TBL1X: variants seen among roughly 807,000 people sequenced by gnomAD.
TBL1X encodes transducin beta like 1 X-linked.
TBL1X carries 10 observed loss-of-function variants against 50.7 expected under a neutral mutation model. The observed-to-expected ratio is 0.20, with a 90% CI of 0.12 to 0.33. The LOEUF (loss-of-function observed/expected upper bound fraction) is 0.33, where lower values mean the gene tolerates loss of function less well. Ranked by LOEUF, TBL1X falls within the 10% of genes least tolerant of loss-of-function variation. TBL1X has a pLI of 1.00. For missense variants in TBL1X, 340 were observed against 504.4 expected (o/e 0.67, Z 3.12); for synonymous variants, 190 against 214.7 (o/e 0.88, Z 1.01).
At position 9,717,056 on chromosome X, in the gene TBL1X, C is replaced by T. The variant is rs1421637334; in HGVS notation, c.*810C>T. ...TCTCCTCCCCTTGCGCTCGCGCTCG[C>T]GCTCGCTTTCTCACTGGCGTGCTCT... On this transcript the variant is annotated 3_prime_UTR_variant, in exon 18 of 18. Coordinates refer to ENST00000645353, the MANE Select transcript of TBL1X (RefSeq NM_005647.4). 2 of 109,560 alleles carry T rather than the reference C, an allele frequency of 1.8e-5. No individual in the cohort carries two copies. The highest frequency in any genetic ancestry group is 8.0e-4 in the South Asian group (2 of 2,498). 9.0% of individuals were successfully genotyped at this position (109,560 alleles called of 1,213,427 possible). A position where few individuals can be genotyped will look rare whatever the true frequency, so the allele number is the denominator to read the frequency against.
chrX:9,647,366 A>G (rs1343622153), intron 3 of TBL1X, among the ~76,000 whole-genome samples: 1 of 112,361 alleles, frequency 8.9e-6, no homozygotes, highest in Non-Finnish European at 1.9e-5. Flanking sequence ...GCACAGTGAG[A>G]GAATGTTGTG....
At chrX:9,619,216 G>A (rs184029672) in intron 2 of TBL1X, among the ~76,000 whole-genome samples, 2 of 112,551 alleles carry the variant, frequency 1.8e-5, no homozygotes, top group African/African-American at 6.5e-5. Context: ...CCCCCCGCAA[G>A]TCTGGCCTGA....
chrX:9,475,150 C>T (rs756796087), intron 1 of TBL1X, among the ~76,000 whole-genome samples: 8 of 111,038 alleles, frequency 7.2e-5, no homozygotes, highest in Non-Finnish European at 1.1e-4. Flanking sequence ...GTGGGATTAC[C>T]GGCGTGAGCC....
chrX:9,629,755 A>T (rs2082710982), intron 2 of TBL1X, among the ~76,000 whole-genome samples: 1 of 111,631 alleles, frequency 9.0e-6, no homozygotes. Context: ...CGTGTAGGAT[A>T]TTGGACCAGA....
chrX:9,625,355 G>A lies in TBL1X; in HGVS notation c.-130-14918G>A, dbSNP rs149791261. Among the ~76,000 whole-genome samples the A allele has an allele frequency of 5.6e-4, 63 of 111,961 alleles. No individual in the cohort carries two copies. In the East Asian group the frequency reaches 0.017, roughly 29 times the overall value. ...TGTGGCTTTACCTATATTTTAATAT[G>A]TGAATTCATACAGTGTAACTATAAA... On this transcript the variant is annotated intron_variant, in intron 2 of 17. Transcript: ENST00000645353.
At chrX:9,554,488 TAGAA>T (rs768623805) in intron 2 of TBL1X, among the ~76,000 whole-genome samples, 8 of 112,421 alleles carry the variant, frequency 7.1e-5, no homozygotes, top group South Asian at 3.6e-4. Flanking sequence ...TAATTTGAAT[TAGAA>T]AGCCATTTGT....
chrX:9,546,183 A>G (rs1417674660), intron 2 of TBL1X, among the ~76,000 whole-genome samples: 1 of 111,892 alleles, frequency 8.9e-6, no homozygotes, highest in Non-Finnish European at 1.9e-5. Flanking sequence ...TGGTGGTTTT[A>G]GCATCCACTG....
intron 2 of TBL1X, among the ~76,000 whole-genome samples, chrX:9,538,315 AGC>A (rs745708449): frequency 2.7e-5 from 3 of 111,784 alleles, no homozygotes; most frequent in African/African-American, 6.5e-5. Context: ...ATAGCAGAAA[AGC>A]GGTTCAGATT....
chrX:9,526,220 C>CAGTG (rs2082132154), intron 2 of TBL1X, among the ~76,000 whole-genome samples: 1 of 111,350 alleles, frequency 9.0e-6, no homozygotes, highest in Non-Finnish European at 1.9e-5. Flanking sequence ...CTGGTTGACT[C>CAGTG]AGTGAAGTCT....
chrX:9,694,501 C>T (rs966045700), intron 11 of TBL1X, among the ~76,000 whole-genome samples: 41 of 110,867 alleles, frequency 3.7e-4, no homozygotes, highest in Non-Finnish European at 7.4e-4. Flanking sequence ...GACTGAGGCG[C>T]GAGAATCTCT....
At chrX:9,604,401 T>TG (rs560245533) in intron 2 of TBL1X, among the ~76,000 whole-genome samples, 1 of 108,658 alleles carries the variant, frequency 9.2e-6, no homozygotes, top group African/African-American at 3.4e-5. Context: ...TATTTCACTT[T>TG]CCCCCCCTTT....
At chrX:9,666,333 G>A (rs971411619) in intron 5 of TBL1X, among the ~76,000 whole-genome samples, 69 of 110,737 alleles carry the variant, frequency 6.2e-4, no homozygotes, top group African/African-American at 2.1e-3. Flanking sequence ...TATAACTACC[G>A]GATCCCCTTC....
At chrX:9,491,366 A>T (rs2081944136) in intron 1 of TBL1X, among the ~76,000 whole-genome samples, 1 of 82,976 alleles carries the variant, frequency 1.2e-5, no homozygotes, top group Non-Finnish European at 2.2e-5. Context: ...TTTGAGACAG[A>T]GTCTCACTGT....
intron 7 of TBL1X, among the ~76,000 whole-genome samples, chrX:9,691,073 G>C (rs1047486653): frequency 3.6e-5 from 4 of 111,753 alleles, no homozygotes; most frequent in Non-Finnish European, 7.5e-5. Context: ...ATGAAATTTA[G>C]AGACTGTCAA....
chrX:9,657,889 G>A (rs1411641238), intron 5 of TBL1X, among the ~76,000 whole-genome samples: 1 of 112,334 alleles, frequency 8.9e-6, no homozygotes, highest in East Asian at 2.8e-4. Flanking sequence ...TCAGCAGTCT[G>A]GCTTTGACGA....
intron 2 of TBL1X, among the ~76,000 whole-genome samples, chrX:9,504,215 T>C (rs1382276601): frequency 1.8e-5 from 2 of 111,269 alleles, no homozygotes; most frequent in East Asian, 5.7e-4. Context: ...ACTGGACTAC[T>C]GAAAGAAAAA....
chrX:9,579,415 G>A (rs749826680), intron 2 of TBL1X, among the ~76,000 whole-genome samples: 7 of 112,075 alleles, frequency 6.2e-5, no homozygotes, highest in South Asian at 7.5e-4. Flanking sequence ...CCCATTTCTT[G>A]TATCAGTGCC....
upstream of TBL1X, chrX:9,465,034 G>A (rs2081761041): frequency 9.2e-6 from 1 of 109,185 alleles, no homozygotes; most frequent in African/African-American, 3.3e-5. Flanking sequence ...CGGACCCCTG[G>A]CGGTCCTCCT....
chrX:9,630,096 G>A (rs907128087), intron 2 of TBL1X, among the ~76,000 whole-genome samples: 2 of 111,294 alleles, frequency 1.8e-5, no homozygotes, highest in Non-Finnish European at 3.8e-5. Context: ...CAGCTGAATG[G>A]CAACCTCAGT....
Sources: gnomAD v4.1 joint callset for allele counts (sites outside exome capture counted in the v4.1 genomes callset) on GRCh38, gnomAD v4.1.1 for gene constraint, MANE v1.5 for transcripts, NCBI Gene and HGNC (gene_info 2026-07-23, HGNC 2026-07-21) for gene names.